The following PI4KA variants were observed in gnomAD, a reference collection of about 807,000 sequenced individuals.
PI4KA encodes phosphatidylinositol 4-kinase alpha.
PI4KA carries 122 observed loss-of-function variants against 271.4 expected under a neutral mutation model. That is an observed-to-expected ratio of 0.45 (90% CI 0.39 to 0.52). The LOEUF (loss-of-function observed/expected upper bound fraction) is 0.52, where lower values mean the gene tolerates loss of function less well. PI4KA is among the 20% of genes least tolerant of loss of function. PI4KA has a pLI of 0.00. For synonymous variants in PI4KA, 1,041 were observed against 1,078.8 expected (o/e 0.96, Z 0.69); for missense variants, 1,969 against 2,769.1 (o/e 0.71, Z 6.48).
At chr22:20,711,275 G>C (rs1334764720) in intron 51 of PI4KA, 66 bp downstream of exon 51, 1 of 1,104,714 alleles carries the variant, frequency 9.1e-7, no homozygotes, top group Non-Finnish European at 1.3e-6. Context: ...TGTGGGGTGG[G>C]GATCCCTATC....
chr22:20,807,182 T>C (rs945631310), intron 10 of PI4KA, among the ~76,000 whole-genome samples, 180 bp downstream of exon 10: 3 of 152,198 alleles, frequency 2.0e-5, no homozygotes, highest in African/African-American at 7.2e-5. Flanking sequence ...TGCAGGATCA[T>C]GGACAGATTT....
At position 20,799,107 on chromosome 22, in the gene PI4KA, C is replaced by A; in HGVS notation, c.1990G>T (p.Val664Phe). The A allele has an allele frequency of 1.2e-6, 2 of 1,613,384 alleles. No homozygotes were observed. Among genetic ancestry groups the A allele is most frequent in the Non-Finnish European group, 1.7e-6 (2 of 1,179,800 alleles). The change falls in exon 16 of 55, where the codon GTT (valine) becomes TTT (phenylalanine). Residue 664 changes from valine (V) to phenylalanine (F), a missense_variant. Physicochemically the swap from Val to Phe is conservative, Grantham distance 50 (BLOSUM62 -1). Coordinates refer to ENST00000255882, the MANE Select transcript of PI4KA (RefSeq NM_058004.4). ...VLIIDQLGCLVITGNQYIYQE... is the reference protein window; with the variant it reads ...VLIIDQLGCLFITGNQYIYQE... ...GCCTCCCTTACATTTCCGGTGATAA[C>A]CAGGCAGCCCAGCTGGTCAATAATC...
intron 8 of PI4KA, 136 bp from the exon 9 acceptor site, chr22:20,811,168 T>C: frequency 1.4e-6 from 1 of 700,602 alleles, no homozygotes; most frequent in East Asian, 2.5e-5. Flanking sequence ...ATACAAATTA[T>C]GGCTATGTAT....
In PI4KA at chr22:20,803,223, T is replaced by C. The variant is rs1471659967; in HGVS notation, c.1559A>G (p.Lys520Arg). 6.2e-7 allele frequency: 1 copy of C among 1,614,112 alleles called. No homozygotes were observed. The highest frequency in any genetic ancestry group is 8.5e-7 in the Non-Finnish European group (1 of 1,179,970). ...FLVIPSPVLVKLYKYHSQYHT... is the reference protein window; with the variant it reads ...FLVIPSPVLVRLYKYHSQYHT... ...GTACTGACTGTGGTACTTGTAGAGC[T>C]TCACCAGAACTGGGGACGGGATGAC... The change falls in exon 13 of 55, where the codon AAG becomes AGG. Residue 520 changes from lysine to arginine, a missense_variant. By Grantham distance (26) the Lys-to-Arg change is conservative. Coordinates refer to ENST00000255882, the MANE Select transcript of PI4KA (RefSeq NM_058004.4).
In PI4KA at chr22:20,715,223, A is replaced by G. The variant is rs527789980; in HGVS notation, c.5318-523T>C. 2.6e-5 allele frequency among the ~76,000 whole-genome samples: 4 copies of G among 151,788 alleles called. No homozygotes were observed. The South Asian group carries it at 8.3e-4, about 32-fold the overall frequency. On this transcript the variant is annotated intron_variant, in intron 45 of 54. Transcript: ENST00000255882. ...GTAGCTGGGATTATAGGCGCCTGTC[A>G]CCATGCCTGGCTAATTTTTGTATTT...
intron 1 of PI4KA, among the ~76,000 whole-genome samples, chr22:20,841,745 C>T (rs1423866532): frequency 1.3e-5 from 2 of 152,126 alleles, no homozygotes; most frequent in East Asian, 1.9e-4. Flanking sequence ...GAGGGATATC[C>T]TGGATTATTT....
intron 50 of PI4KA, among the ~76,000 whole-genome samples, chr22:20,712,003 A>T (rs189289192): frequency 4.1e-4 from 62 of 151,546 alleles, no homozygotes; most frequent in African/African-American, 1.5e-3. Flanking sequence ...TTGGCCTCCC[A>T]AAGTGCTGGC....
rs752801635 is a variant in PI4KA, at chr22:20,729,446, G to C, written c.4549C>G (p.Leu1517Val). The C allele has an allele frequency of 6.2e-7, 1 of 1,612,116 alleles. No homozygotes were observed. Among genetic ancestry groups the C allele is most frequent in the South Asian group, 1.1e-5 (1 of 90,696 alleles). ...ACGCTGTTCTCTCCGGCCTGGTCTAGTTCCAGTTCCGGGGCTGACAGCGGG... is the reference window on the plus strand; with the variant it reads ...ACGCTGTTCTCTCCGGCCTGGTCTACTTCCAGTTCCGGGGCTGACAGCGGG... ...YNPLSAPELELDQAGENSVAN... is the reference protein window; with the variant it reads ...YNPLSAPELEVDQAGENSVAN... Residue 1517 changes from leucine (L) to valine (V), a missense_variant, in exon 39 of 55, where the codon CTA (leucine) becomes GTA (valine). Transcript: ENST00000255882.
chr22:20,814,167 T>C (rs165837), intron 7 of PI4KA, among the ~76,000 whole-genome samples: 72,835 of 151,480 alleles, frequency 0.48, 17,899 homozygotes, highest in African/African-American at 0.56. Context: ...AGATATTTTC[T>C]CACCAAAATT....
chr22:20,708,848 GCC>G (rs957608087), intron 54 of PI4KA, among the ~76,000 whole-genome samples: 1 of 118,822 alleles, frequency 8.4e-6, no homozygotes, highest in African/African-American at 3.6e-5. Flanking sequence ...CAGACCCTGA[GCC>G]AGCCCTCCCC....
rs549047129 is a variant in PI4KA at position 20,802,940 on chromosome 22, T to C, written c.1591+251A>G. The stretch of plus-strand genomic sequence containing the variant: ...TGTTTGGGGCACACAGGATTTGCAT[T>C]TCAGACTTCCACAGTGAAAGATGTC... On this transcript the variant is annotated intron_variant, in intron 13 of 54. Transcript: ENST00000255882. 4.3e-4 allele frequency among the ~76,000 whole-genome samples: 66 copies of C among 152,280 alleles called. 1 individual carries two copies. The highest frequency in any genetic ancestry group is 4.3e-3 in the Admixed American group (66 of 15,298).
At chr22:20,821,152 C>G (rs1475785027) in intron 4 of PI4KA, among the ~76,000 whole-genome samples, 1 of 152,182 alleles carries the variant, frequency 6.6e-6, no homozygotes, top group African/African-American at 2.4e-5. Flanking sequence ...GTGACATTAG[C>G]TTTTCTGCAG....
intron 43 of PI4KA, among the ~76,000 whole-genome samples, chr22:20,720,413 G>A (rs1002686385): frequency 3.9e-5 from 6 of 152,166 alleles, no homozygotes; most frequent in Admixed American, 6.5e-5. Context: ...TTAGCCAGTC[G>A]TGGTGGCGTG....
At chr22:20,772,302 T>C (rs533426546) in intron 19 of PI4KA, among the ~76,000 whole-genome samples, 5 of 152,114 alleles carry the variant, frequency 3.3e-5, no homozygotes, top group Non-Finnish European at 7.4e-5. Flanking sequence ...TCTGCAGGGA[T>C]GGTGTCCTGG....
chr22:20,730,042 T>G (rs765066842), intron 36 of PI4KA, 31 bp from the exon 37 acceptor site: 1 of 1,607,500 alleles, frequency 6.2e-7, no homozygotes, highest in East Asian at 2.2e-5. Context: ...GATTCTAGAG[T>G]GAGGTGGCTC....
At chr22:20,765,341 C>T in intron 20 of PI4KA, 105 bp from the exon 21 acceptor site, 1 of 1,236,166 alleles carries the variant, frequency 8.1e-7, no homozygotes, top group Non-Finnish European at 1.1e-6. Flanking sequence ...GACAATTATC[C>T]CAAAAACTAG....
intron 19 of PI4KA, among the ~76,000 whole-genome samples, chr22:20,771,376 T>C (rs1243524421): frequency 2.0e-5 from 3 of 150,658 alleles, no homozygotes; most frequent in Non-Finnish European, 3.0e-5. Context: ...TGAGCTGAGA[T>C]TGCGCCACTG....
At chr22:20,744,136 C>T (rs1055720391) in intron 30 of PI4KA, among the ~76,000 whole-genome samples, 1 of 152,126 alleles carries the variant, frequency 6.6e-6, no homozygotes, top group African/African-American at 2.4e-5. Context: ...TGGAGGCCCA[C>T]AGATGTGATG....
intron 1 of PI4KA, 91 bp downstream of exon 1, chr22:20,858,479 C>T: frequency 1.0e-6 from 1 of 971,556 alleles, no homozygotes; most frequent in Non-Finnish European, 1.4e-6. Flanking sequence ...CGAGCCCAGC[C>T]TCGGCCTCCC....
Sources: gnomAD v4.1 joint callset for allele counts (sites outside exome capture counted in the v4.1 genomes callset) on GRCh38, gnomAD v4.1.1 for gene constraint, MANE v1.5 for transcripts, NCBI Gene and HGNC (gene_info 2026-07-23, HGNC 2026-07-21) for gene names.